PTPN12: variants seen among roughly 807,000 people sequenced by gnomAD.
PTPN12 encodes the protein tyrosine-protein phosphatase non-receptor type 12.
Under a neutral mutation model 97.6 loss-of-function variants are expected in PTPN12, and 29 were observed. That is an observed-to-expected ratio of 0.30 (90% CI 0.22 to 0.41). PTPN12 has a LOEUF of 0.41. PTPN12 is among the 10% of genes least tolerant of loss of function. The pLI is 1.00. For synonymous variants in PTPN12, 327 were observed against 300.4 expected (o/e 1.09, Z -0.91); for missense variants, 819 against 926.0 (o/e 0.88, Z 1.50).
At chr7:77,538,823 A>G (rs1385324005) in intron 1 of PTPN12, 1 of 151,866 alleles carries the variant, frequency 6.6e-6, no homozygotes, top group African/African-American at 2.4e-5. Context: ...GATATTGCGC[A>G]AGACTGGGGC....
chr7:77,580,995 T>C (rs1456533818), intron 2 of PTPN12, among the ~76,000 whole-genome samples: 4 of 152,210 alleles, frequency 2.6e-5, no homozygotes, highest in Non-Finnish European at 5.9e-5. Flanking sequence ...ATGATTCTTA[T>C]TGCAACTTTA....
At chr7:77,539,901 A>ACT (rs1806871512) in intron 1 of PTPN12, among the ~76,000 whole-genome samples, 1 of 151,648 alleles carries the variant, frequency 6.6e-6, no homozygotes, top group South Asian at 2.1e-4. Flanking sequence ...CTGCTCTCGA[A>ACT]CTCCTCATCT....
intron 12 of PTPN12, among the ~76,000 whole-genome samples, chr7:77,622,135 TG>T (rs1445268851): frequency 6.6e-6 from 1 of 152,146 alleles, no homozygotes; most frequent in Non-Finnish European, 1.5e-5. Flanking sequence ...CCGTATTTTT[TG>T]TAGAGATGGG....
intron 8 of PTPN12, 147 bp downstream of exon 8, chr7:77,600,953 G>A (rs1562740178): frequency 1.5e-6 from 1 of 655,480 alleles, no homozygotes; most frequent in East Asian, 2.8e-5. Context: ...AGTTGATGTG[G>A]TCTCATTTGG....
chr7:77,560,107 A>G (rs1807931275), intron 1 of PTPN12, among the ~76,000 whole-genome samples: 1 of 152,242 alleles, frequency 6.6e-6, no homozygotes, highest in South Asian at 2.1e-4. Context: ...CATAAAAGTG[A>G]TAATTGAGTT....
intron 13 of PTPN12, among the ~76,000 whole-genome samples, chr7:77,627,902 A>T (rs1042707799): frequency 1.3e-5 from 2 of 152,226 alleles, no homozygotes; most frequent in Non-Finnish European, 2.9e-5. Context: ...TTTAGTAGTT[A>T]TAACTGGATA....
In PTPN12 at chr7:77,537,350, TGTG is replaced by T. The variant is rs1431612630; in HGVS notation, c.-193_-191del. On this transcript the variant is annotated 5_prime_UTR_variant, in exon 1 of 18. Coordinates refer to ENST00000248594, the MANE Select transcript of PTPN12 (RefSeq NM_002835.4). ...GAGAGCGGCGGCTGCTCCTGGAAGT[TGTG>T]GTGTCGGGAGCCCAGCCGGTGCCGC... is the stretch of plus-strand genomic sequence containing the variant. The T allele has an allele frequency of 7.1e-6, 4 of 559,592 alleles. No individual in the cohort carries two copies. Among genetic ancestry groups the T allele is most frequent in the South Asian group, 2.5e-5 (1 of 39,222 alleles). 34.7% of individuals were successfully genotyped at this position (559,592 alleles called of 1,614,324 possible).
intron 13 of PTPN12, among the ~76,000 whole-genome samples, chr7:77,631,978 G>A (rs749258795): frequency 1.3e-5 from 2 of 152,148 alleles, no homozygotes; most frequent in Non-Finnish European, 2.9e-5. Flanking sequence ...GGAAACACTG[G>A]CTTAGGCGTT....
chr7:77,596,213 CA>C (rs143711902), intron 6 of PTPN12, among the ~76,000 whole-genome samples: 2,785 of 152,032 alleles, frequency 0.018, 34 homozygotes, highest in Middle Eastern at 0.071. Flanking sequence ...CTTACAAAAG[CA>C]AATTGATGTT....
intron 1 of PTPN12, among the ~76,000 whole-genome samples, chr7:77,542,494 G>A (rs1265966542): frequency 6.6e-6 from 1 of 152,186 alleles, no homozygotes; most frequent in African/African-American, 2.4e-5. Context: ...TTTGGAAGCT[G>A]TTGAAATATA....
At chr7:77,581,360 T>G in intron 2 of PTPN12, 67 bp from the exon 3 acceptor site, 1 of 1,042,824 alleles carries the variant, frequency 9.6e-7, no homozygotes, top group Non-Finnish European at 1.4e-6. Flanking sequence ...TATTTAACCT[T>G]ACTTACGCTT....
intron 14 of PTPN12, among the ~76,000 whole-genome samples, chr7:77,635,451 G>C (rs980514321): frequency 3.9e-5 from 6 of 152,110 alleles, no homozygotes; most frequent in African/African-American, 1.4e-4. Flanking sequence ...GCAATGAAAC[G>C]GTATACTTCA....
At chr7:77,597,103 G>A (rs376316536) in intron 6 of PTPN12, among the ~76,000 whole-genome samples, 2 of 152,074 alleles carry the variant, frequency 1.3e-5, no homozygotes, top group East Asian at 1.9e-4. Context: ...TTTTTCAGAA[G>A]TCATATAGTT....
At chr7:77,582,763 G>A (rs1383927827) in intron 3 of PTPN12, among the ~76,000 whole-genome samples, 4 of 142,700 alleles carry the variant, frequency 2.8e-5, no homozygotes, top group African/African-American at 5.2e-5. Flanking sequence ...CAGTCTGGGT[G>A]ACAGAGCAAG....
intron 12 of PTPN12, among the ~76,000 whole-genome samples, chr7:77,620,480 T>G (rs1410335028): frequency 4.6e-5 from 7 of 152,256 alleles, no homozygotes. Context: ...CAGAATGTCA[T>G]TATTTTTGAC....
At chr7:77,606,229 C>T (rs1409297908) in intron 8 of PTPN12, among the ~76,000 whole-genome samples, 3 of 152,130 alleles carry the variant, frequency 2.0e-5, no homozygotes, top group South Asian at 2.1e-4. Context: ...GCTGAGATTA[C>T]AGGCATGAGC....
rs1277270591 is a variant in PTPN12 at position 77,599,138 on chromosome 7, T to A, written c.552+1237T>A. Among the ~76,000 whole-genome samples, 5 of 151,934 alleles carry A rather than the reference T, an allele frequency of 3.3e-5. No homozygotes were observed. In the East Asian group the frequency reaches 9.6e-4, roughly 29 times the overall value. ...CCTAAATTTGTTAAATTTGGAATAG[T>A]TATACCTTCTTTGCAGCAAATATTT... On this transcript the variant is annotated intron_variant, in intron 7 of 17. Coordinates refer to ENST00000248594, the MANE Select transcript of PTPN12 (RefSeq NM_002835.4).
At chr7:77,561,251 C>A (rs912335356) in intron 1 of PTPN12, among the ~76,000 whole-genome samples, 1 of 152,026 alleles carries the variant, frequency 6.6e-6, no homozygotes, top group East Asian at 1.9e-4. Flanking sequence ...TAGTAGCCAT[C>A]ACAATGGTTC....
chr7:77,632,230 G>T, intron 13 of PTPN12, 118 bp from the exon 14 acceptor site: 2 of 737,646 alleles, frequency 2.7e-6, no homozygotes, highest in Admixed American at 2.4e-5. Flanking sequence ...GCATTTTTTT[G>T]CATTTTTAAA....
Sources: allele counts gnomAD v4.1 joint callset (sites outside exome capture counted in the v4.1 genomes callset), GRCh38; gene constraint gnomAD v4.1.1; transcripts MANE v1.5; gene names NCBI Gene and HGNC (gene_info 2026-07-23, HGNC 2026-07-21).